Variants in DRAM1 observed in about 807,000 individuals in gnomAD.
DRAM1 encodes the protein DNA damage-regulated autophagy modulator protein 1.
In DRAM1, 25 loss-of-function variants were observed where a neutral mutation model predicts 28.5. That is an observed-to-expected ratio of 0.88 (90% CI 0.64 to 1.23). DRAM1 has a LOEUF of 1.23. Among genes scored for constraint, DRAM1 ranks in the 50% most tolerant of loss-of-function variants. The pLI, the probability that DRAM1 is intolerant of heterozygous loss-of-function variation, is 0.00. For synonymous variants in DRAM1, 113 were observed against 114.2 expected, an observed-to-expected ratio of 0.99 and a Z score of 0.07; for missense variants, 249 against 299.2, an observed-to-expected ratio of 0.83 and a Z score of 1.24.
intron 5 of DRAM1, among the ~76,000 whole-genome samples, chr12:101,918,895 C>T (rs1874358813): frequency 2.0e-5 from 3 of 152,014 alleles, no homozygotes; most frequent in African/African-American, 7.3e-5. Flanking sequence ...ATATTTGACT[C>T]AGAGTTTTAT....
At chr12:101,901,502 T>C (rs956428445) in intron 3 of DRAM1, 69 bp downstream of exon 3, 91 of 1,541,026 alleles carry the variant, frequency 5.9e-5, no homozygotes, top group Non-Finnish European at 7.5e-5. Flanking sequence ...GCAGCAGAAA[T>C]GCAAGAGGCA....
At chr12:101,881,796 A>G (rs1234185044) in intron 1 of DRAM1, among the ~76,000 whole-genome samples, 5 of 152,186 alleles carry the variant, frequency 3.3e-5, no homozygotes, top group African/African-American at 1.2e-4. Flanking sequence ...ACTGGTCTCC[A>G]TATCCAGTCT....
chr12:101,877,848 C>T lies in DRAM1; in HGVS notation c.59C>T (p.Ser20Leu), dbSNP rs1872545551. The T allele has an allele frequency of 1.3e-6, 2 of 1,547,586 alleles. No homozygotes were observed. The highest frequency in any genetic ancestry group is 1.7e-6 in the Non-Finnish European group (2 of 1,144,936). Reference protein sequence around the residue: ...FVPFLLVTWSSAAFIISYVVA... With the variant: ...FVPFLLVTWSLAAFIISYVVA... ...CCCTTCCTCTTGGTGACCTGGTCGT[C>T]AGCCGCCTTCATTATCTCCTACGTG... The change falls in exon 1 of 7, where the codon TCA becomes TTA. Residue 20 changes from serine (S) to leucine (L), a missense_variant. By Grantham distance (145) the Ser-to-Leu change is moderately radical. Transcript: ENST00000258534. The surrounding 1 kb of genome is among the most constrained non-coding windows in gnomAD (Gnocchi z 4.1).
intron 1 of DRAM1, among the ~76,000 whole-genome samples, chr12:101,889,767 C>T (rs932784639): frequency 6.6e-6 from 1 of 151,638 alleles, no homozygotes; most frequent in African/African-American, 2.4e-5. Flanking sequence ...TGATGAAACC[C>T]CATCTCTACT....
intron 1 of DRAM1, among the ~76,000 whole-genome samples, chr12:101,882,058 A>G (rs1246355964): frequency 2.7e-5 from 4 of 150,016 alleles, no homozygotes; most frequent in Middle Eastern, 3.2e-3. Flanking sequence ...AGTCCTTAGG[A>G]TGAGTTTCCT....
chr12:101,883,383 C>T (rs1439056380), intron 1 of DRAM1, among the ~76,000 whole-genome samples: 3 of 147,862 alleles, frequency 2.0e-5, no homozygotes, highest in African/African-American at 7.5e-5. Flanking sequence ...GGCACGATCT[C>T]GGCTCACCAC....
intron 5 of DRAM1, among the ~76,000 whole-genome samples, chr12:101,918,329 T>C (rs370031743): frequency 2.0e-5 from 3 of 152,356 alleles, no homozygotes; most frequent in African/African-American, 7.2e-5. Context: ...AATATCATGC[T>C]TAAGAAATTC....
At chr12:101,901,152 G>T in intron 2 of DRAM1, 139 bp from the exon 3 acceptor site, 13 of 684,626 alleles carry the variant, frequency 1.9e-5, no homozygotes, top group East Asian at 2.9e-5. Flanking sequence ...AGAGTAAGAT[G>T]GAGTCAGGAG....
chr12:101,920,891 A>G (rs551319412), intron 6 of DRAM1, among the ~76,000 whole-genome samples: 2 of 152,344 alleles, frequency 1.3e-5, no homozygotes, highest in East Asian at 1.9e-4. Context: ...AGCTTGGGCA[A>G]CAAGAGCGAG....
intron 2 of DRAM1, 74 bp downstream of exon 2, chr12:101,898,004 T>C: frequency 1.1e-6 from 1 of 874,542 alleles, no homozygotes; most frequent in South Asian, 1.8e-5. Flanking sequence ...TCATTTGTAG[T>C]TTTCATATAA....
At chr12:101,905,923 G>A (rs968016486) in intron 3 of DRAM1, among the ~76,000 whole-genome samples, 1 of 152,124 alleles carries the variant, frequency 6.6e-6, no homozygotes, top group Non-Finnish European at 1.5e-5. Flanking sequence ...CCTGGTAGCT[G>A]GGATTACAGG....
At chr12:101,895,201 T>G (rs1052726358) in intron 1 of DRAM1, among the ~76,000 whole-genome samples, 71 of 118,910 alleles carry the variant, frequency 6.0e-4, no homozygotes, top group Non-Finnish European at 8.4e-4. Context: ...TTTTTTTTTT[T>G]TTTTTTTTTT....
rs973303166 is a variant in DRAM1, at chr12:101,890,536, C to T, written c.132-7327C>T. On this transcript the variant is annotated intron_variant, in intron 1 of 6. Transcript: ENST00000258534. ...ACAAACTGCTAAAATAGCTTCCTTACGGTCTCCCTGGTCCACAATTGCCTC... is the reference window on the plus strand; with the variant it reads ...ACAAACTGCTAAAATAGCTTCCTTATGGTCTCCCTGGTCCACAATTGCCTC... 2.5e-4 allele frequency among the ~76,000 whole-genome samples: 6 copies of T among 23,658 alleles called. No homozygotes were observed. The African/African-American group carries it at 3.2e-3, about 12-fold the overall frequency. 15.5% of individuals were successfully genotyped at this position (23,658 alleles called of 152,430 possible).
intron 1 of DRAM1, among the ~76,000 whole-genome samples, chr12:101,895,378 A>T (rs1166663264): frequency 1.3e-5 from 2 of 150,786 alleles, no homozygotes; most frequent in Admixed American, 6.6e-5. Flanking sequence ...GGGTTTCACC[A>T]TGTTGGCCAG....
At chr12:101,889,982 T>C in intron 1 of DRAM1, 1 of 435,112 alleles carries the variant, frequency 2.3e-6, no homozygotes. Context: ...AATGAGTACT[T>C]TCTAATGTTG....
intron 1 of DRAM1, among the ~76,000 whole-genome samples, chr12:101,890,709 C>T (rs1053773122): frequency 2.0e-5 from 3 of 150,744 alleles, no homozygotes; most frequent in African/African-American, 7.3e-5. Context: ...TTTTAAGTTT[C>T]AGAATAGTTG....
intron 2 of DRAM1, 99 bp from the exon 3 acceptor site, chr12:101,901,192 C>G (rs1873588127): frequency 2.2e-6 from 3 of 1,365,534 alleles, no homozygotes; most frequent in Non-Finnish European, 3.0e-6. Context: ...GGGAGACTTG[C>G]AATCAGTACA....
At chr12:101,885,882 GTC>G (rs1359856562) in intron 1 of DRAM1, among the ~76,000 whole-genome samples, 1 of 152,042 alleles carries the variant, frequency 6.6e-6, no homozygotes, top group East Asian at 1.9e-4. Flanking sequence ...TTTATTACCT[GTC>G]TCACACAAAA....
At chr12:101,879,810 A>G (rs917674883) in intron 1 of DRAM1, among the ~76,000 whole-genome samples, 11 of 152,232 alleles carry the variant, frequency 7.2e-5, no homozygotes, top group Non-Finnish European at 1.2e-4. Context: ...CCTGGCCAAC[A>G]TGGTAAAACC....
Sources: gnomAD v4.1 joint callset for allele counts (sites outside exome capture counted in the v4.1 genomes callset) on GRCh38, gnomAD v4.1.1 for gene constraint, Gnocchi (gnomAD v3.1) non-coding constraint, MANE v1.5 for transcripts, NCBI Gene and HGNC (gene_info 2026-07-23, HGNC 2026-07-21) for gene names.